The following TTC7B variants were observed in gnomAD, a reference collection of about 807,000 sequenced individuals.
TTC7B encodes tetratricopeptide repeat protein 7B.
TTC7B carries 28 observed loss-of-function variants against 106.8 expected under a neutral mutation model. The ratio of observed to expected loss-of-function variants is 0.26; its 90% CI spans 0.19 to 0.36. The LOEUF (loss-of-function observed/expected upper bound fraction) is 0.36, where lower values mean the gene tolerates loss of function less well. Ranked by LOEUF, TTC7B falls within the 10% of genes least tolerant of loss-of-function variation. The pLI is 1.00. For synonymous variants in TTC7B, 405 were observed against 430.6 expected, an observed-to-expected ratio of 0.94 and a Z score of 0.74; for missense variants, 862 against 1,076.4, an observed-to-expected ratio of 0.80 and a Z score of 2.79.
chr14:90,578,110 C>A lies in TTC7B; in HGVS notation c.2306G>T (p.Arg769Leu). ...ISPTHVKSMQRLALILHQLGR... is the reference protein window; with the variant it reads ...ISPTHVKSMQLLALILHQLGR... ...CCGCCGGGCTCGTGGACTCACCAGT[C>A]GCTGCATGCTCTTCACGTGGGTGGG... is the stretch of plus-strand genomic sequence containing the variant. Residue 769 changes from arginine (R) to leucine (L), a missense_variant, in exon 19 of 20, where the codon CGA becomes CTA. Coordinates refer to ENST00000328459, the MANE Select transcript of TTC7B (RefSeq NM_001010854.2). This position sits in a 1 kb window ranked among gnomAD's most constrained non-coding sequence, Gnocchi z 4.7. The A allele has an allele frequency of 6.2e-7, 1 of 1,609,064 alleles. No homozygotes were observed. The highest frequency in any genetic ancestry group is 8.5e-7 in the Non-Finnish European group (1 of 1,177,864).
chr14:90,811,328 C>T (rs956809326), intron 1 of TTC7B, among the ~76,000 whole-genome samples: 13 of 152,336 alleles, frequency 8.5e-5, no homozygotes, highest in African/African-American at 2.6e-4. Context: ...AGGAGTTGGG[C>T]TCCCAGGAGT....
intron 1 of TTC7B, among the ~76,000 whole-genome samples, chr14:90,792,489 A>G (rs1205805221): frequency 1.3e-5 from 2 of 152,168 alleles, no homozygotes; most frequent in African/African-American, 2.4e-5. Context: ...AGGCAGGAGA[A>G]TCACTTGAAA....
chr14:90,799,814 C>T (rs1374497220), intron 1 of TTC7B, among the ~76,000 whole-genome samples: 2 of 152,012 alleles, frequency 1.3e-5, no homozygotes, highest in Admixed American at 6.6e-5. Context: ...AGATGAAATG[C>T]TCTGATTTAA....
chr14:90,812,014 G>C (rs770628161), intron 1 of TTC7B, among the ~76,000 whole-genome samples: 4 of 152,172 alleles, frequency 2.6e-5, no homozygotes, highest in Non-Finnish European at 5.9e-5. Flanking sequence ...CAGGCTGACA[G>C]CTGGGACCTG....
At chr14:90,763,230 A>G (rs1329395330) in intron 3 of TTC7B, among the ~76,000 whole-genome samples, 1 of 152,268 alleles carries the variant, frequency 6.6e-6, no homozygotes, top group East Asian at 1.9e-4. Flanking sequence ...TTGGTTTAAT[A>G]TATGAAAATC....
intron 3 of TTC7B, among the ~76,000 whole-genome samples, chr14:90,761,061 C>CT (rs1281800576): frequency 6.6e-6 from 1 of 152,222 alleles, no homozygotes; most frequent in Non-Finnish European, 1.5e-5. Flanking sequence ...CAACCCCTAT[C>CT]TTGCCATTAA....
intron 19 of TTC7B, among the ~76,000 whole-genome samples, chr14:90,559,724 G>C (rs936598964): frequency 5.3e-5 from 8 of 152,248 alleles, no homozygotes; most frequent in African/African-American, 1.9e-4. Context: ...AAGACTAACA[G>C]CTGCCGGGTA....
intron 4 of TTC7B, 90 bp downstream of exon 4, chr14:90,744,702 G>C: frequency 1.4e-6 from 2 of 1,397,526 alleles, no homozygotes; most frequent in South Asian, 2.6e-5. Context: ...AGACAGACAA[G>C]TTGAAAGCTT....
intron 5 of TTC7B, among the ~76,000 whole-genome samples, chr14:90,712,843 G>A (rs1287391750): frequency 1.3e-5 from 2 of 151,774 alleles, no homozygotes; most frequent in East Asian, 3.9e-4. Flanking sequence ...CTAAGTTGGA[G>A]GACTTATACT....
intron 1 of TTC7B, among the ~76,000 whole-genome samples, chr14:90,804,448 G>T (rs1250484295): frequency 1.3e-5 from 2 of 152,198 alleles, no homozygotes; most frequent in Non-Finnish European, 1.5e-5. Context: ...CCCCCAGGAC[G>T]CTGAGAGGAG....
chr14:90,588,517 C>T (rs1407249915), intron 18 of TTC7B, among the ~76,000 whole-genome samples: 1 of 152,088 alleles, frequency 6.6e-6, no homozygotes, highest in East Asian at 1.9e-4. Flanking sequence ...TGTGGACATG[C>T]GAATTTCCAA....
At chr14:90,724,832 C>G (rs933020328) in intron 5 of TTC7B, among the ~76,000 whole-genome samples, 1 of 152,220 alleles carries the variant, frequency 6.6e-6, no homozygotes, top group East Asian at 1.9e-4. Context: ...TCCTCATTAA[C>G]TGAATGAACA....
At chr14:90,581,087 C>T (rs1490239108) in intron 18 of TTC7B, among the ~76,000 whole-genome samples, 7 of 152,180 alleles carry the variant, frequency 4.6e-5, no homozygotes, top group Non-Finnish European at 5.9e-5. Context: ...CTCGCCTGGC[C>T]CAGATGCACA....
chr14:90,525,169 T>A lies in TTC7B; in HGVS notation c.*16199A>T, dbSNP rs940080883. 6.8e-6 allele frequency: 1 copy of A among 146,944 alleles called. No individual in the cohort carries two copies. The highest frequency in any genetic ancestry group is 2.5e-5 in the African/African-American group (1 of 40,408). The allele number at this position is 146,944 out of a possible 1,614,324, so 9.1% of individuals were successfully genotyped here. The stretch of plus-strand genomic sequence containing the variant: ...TTCCCTCACTCTAGATTAGTCCACA[T>A]TTTCTAGAGTTTTCTATAAATGGAA... On this transcript the variant is annotated 3_prime_UTR_variant, in exon 20 of 20. Coordinates refer to ENST00000328459, the MANE Select transcript of TTC7B (RefSeq NM_001010854.2).
chr14:90,668,254 C>T (rs998390056), intron 9 of TTC7B, among the ~76,000 whole-genome samples: 2 of 152,222 alleles, frequency 1.3e-5, no homozygotes, highest in East Asian at 1.9e-4. Flanking sequence ...AAAGAGGAAT[C>T]GAACAATATA....
intron 3 of TTC7B, among the ~76,000 whole-genome samples, chr14:90,769,748 G>A (rs1275383902): frequency 6.6e-6 from 1 of 152,080 alleles, no homozygotes; most frequent in Non-Finnish European, 1.5e-5. Context: ...CAGCCTGGAT[G>A]ACACAGCGAG....
Position 90,541,975 on chromosome 14 carries a change from T to C in TTC7B, c.2311-386A>G, listed in dbSNP as rs777469731. Among the ~76,000 whole-genome samples the C allele has an allele frequency of 3.9e-5, 6 of 152,240 alleles. No homozygotes were observed. In the South Asian group the frequency reaches 6.2e-4, roughly 16 times the overall value. ...TTGTTTTTGAGATGGAGTCTCGCTC[T>C]GTCATCCAGGCTGGAGTGCAGTGGC... is the stretch of plus-strand genomic sequence containing the variant. On this transcript the variant is annotated intron_variant, in intron 19 of 19. Coordinates refer to ENST00000328459, the MANE Select transcript of TTC7B (RefSeq NM_001010854.2).
chr14:90,775,584 A>T (rs368665052), intron 3 of TTC7B, among the ~76,000 whole-genome samples: 2 of 152,010 alleles, frequency 1.3e-5, no homozygotes, highest in South Asian at 4.2e-4. Context: ...ACACCTGGGC[A>T]CCTCCTCCTG....
chr14:90,785,922 G>A (rs1416122744), intron 2 of TTC7B, among the ~76,000 whole-genome samples: 1 of 152,192 alleles, frequency 6.6e-6, no homozygotes, highest in African/African-American at 2.4e-5. Flanking sequence ...TGAGAGATAA[G>A]TGGCATTGTG....
Sources: allele counts gnomAD v4.1 joint callset (sites outside exome capture counted in the v4.1 genomes callset), GRCh38; gene constraint gnomAD v4.1.1; non-coding constraint Gnocchi (gnomAD v3.1); transcripts MANE v1.5; gene names NCBI Gene and HGNC (gene_info 2026-07-23, HGNC 2026-07-21).